Variants in DPYS observed in about 807,000 individuals in gnomAD.
DPYS encodes dihydropyrimidine amidohydrolase.
A neutral mutation model predicts 50.3 loss-of-function variants in DPYS; 39 were observed. That is an observed-to-expected ratio of 0.78 (90% CI 0.60 to 1.01). The LOEUF is 1.01. Ranked by LOEUF, DPYS falls within the 50% of genes least tolerant of loss-of-function variation. DPYS has a pLI of 0.00. For synonymous variants in DPYS, 245 were observed against 250.7 expected, an observed-to-expected ratio of 0.98 and a Z score of 0.22; for missense variants, 659 against 680.9, an observed-to-expected ratio of 0.97 and a Z score of 0.36.
intron 8 of DPYS, among the ~76,000 whole-genome samples, chr8:104,383,097 G>T (rs1811109397): frequency 6.6e-6 from 1 of 152,186 alleles, no homozygotes; most frequent in African/African-American, 2.4e-5. Flanking sequence ...AACAGGGCTT[G>T]CTCTACAGCC....
intron 1 of DPYS, among the ~76,000 whole-genome samples, chr8:104,460,828 A>G (rs1814128719): frequency 6.6e-6 from 1 of 152,226 alleles, no homozygotes; most frequent in Non-Finnish European, 1.5e-5. Context: ...CAGCCATTCA[A>G]GGAAACCACA....
In DPYS at chr8:104,466,450, G is replaced by T. The variant is rs562997435; in HGVS notation, c.264+207C>A. 2.1e-3 allele frequency among the ~76,000 whole-genome samples: 325 copies of T among 152,304 alleles called. 1 individual carries two copies. The highest frequency in any genetic ancestry group is 7.1e-3 in the African/African-American group (294 of 41,582). ...CTGGTTGAGCCAAGGCTGCTCGGCT[G>T]CCGCCGAGAAGGGGCGCCTGAAAGG... On this transcript the variant is annotated intron_variant, in intron 1 of 9. Transcript: ENST00000351513.
chr8:104,412,711 G>A (rs1218138913), intron 7 of DPYS, among the ~76,000 whole-genome samples: 1 of 152,100 alleles, frequency 6.6e-6, no homozygotes, highest in Non-Finnish European at 1.5e-5. Flanking sequence ...CTGATTGGTG[G>A]GCTTACTCTG....
intron 7 of DPYS, among the ~76,000 whole-genome samples, chr8:104,401,835 T>C (rs906440104): frequency 7.9e-5 from 12 of 152,172 alleles, no homozygotes; most frequent in African/African-American, 2.4e-4. Context: ...TTCAAGTACA[T>C]TGTCATTATT....
In DPYS at chr8:104,400,311, G is replaced by A. The variant is rs757214326; in HGVS notation, c.1236-7320C>T. On this transcript the variant is annotated intron_variant, in intron 7 of 9. Coordinates refer to ENST00000351513, the MANE Select transcript of DPYS (RefSeq NM_001385.3). ...ATGTTTCTGAGGCAGAGTTCAAAAG[G>A]CCTGAGACTCAAAAAGAACCAAGAA... Among the ~76,000 whole-genome samples the A allele has an allele frequency of 2.0e-5, 3 of 152,278 alleles. No homozygotes were observed. In the South Asian group the frequency reaches 6.2e-4, roughly 32 times the overall value.
chr8:104,432,519 T>C (rs1283855610), intron 4 of DPYS, among the ~76,000 whole-genome samples: 1 of 152,212 alleles, frequency 6.6e-6, no homozygotes, highest in Non-Finnish European at 1.5e-5. Flanking sequence ...AGGCCAAACA[T>C]ATTCATAGAA....
intron 7 of DPYS, among the ~76,000 whole-genome samples, chr8:104,412,783 G>A (rs1393333161): frequency 6.6e-6 from 1 of 152,170 alleles, no homozygotes; most frequent in African/African-American, 2.4e-5. Context: ...GGGGCAAAAA[G>A]CAAAAGCCAC....
chr8:104,467,009 A>C lies in DPYS; in HGVS notation c.-89T>G. The C allele has an allele frequency of 1.5e-6, 2 of 1,338,184 alleles. No homozygotes were observed. The highest frequency in any genetic ancestry group is 1.9e-6 in the Non-Finnish European group (2 of 1,045,076). 82.9% of individuals were successfully genotyped at this position (1,338,184 alleles called of 1,614,324 possible). On this transcript the variant is annotated 5_prime_UTR_variant, in exon 1 of 10. Coordinates refer to ENST00000351513, the MANE Select transcript of DPYS (RefSeq NM_001385.3). Reference sequence around the variant, plus strand: ...GGGCGGGCTTGGGGTGCCCTCCTGCAAGGTCCCCACCGACAGCCCCCGAGC... The same window carrying C: ...GGGCGGGCTTGGGGTGCCCTCCTGCCAGGTCCCCACCGACAGCCCCCGAGC...
intron 8 of DPYS, among the ~76,000 whole-genome samples, chr8:104,389,539 A>AT (rs201683920): frequency 0.014 from 1,632 of 116,456 alleles, 14 homozygotes; most frequent in East Asian, 0.034. Flanking sequence ...TCTTCCTTTT[A>AT]TTTTTTTTTT....
At chr8:104,446,911 A>G (rs562017571) in intron 3 of DPYS, among the ~76,000 whole-genome samples, 3 of 152,300 alleles carry the variant, frequency 2.0e-5, no homozygotes, top group African/African-American at 7.2e-5. Context: ...GCTACCTAAT[A>G]CACTGCTTAA....
chr8:104,437,529 C>A (rs1177658157), intron 4 of DPYS, among the ~76,000 whole-genome samples: 1 of 152,162 alleles, frequency 6.6e-6, no homozygotes, highest in South Asian at 2.1e-4. Flanking sequence ...GGAAATTACA[C>A]AATATGGCCT....
At chr8:104,439,509 G>T (rs2853172) in intron 4 of DPYS, among the ~76,000 whole-genome samples, 1 of 151,900 alleles carries the variant, frequency 6.6e-6, no homozygotes, top group Non-Finnish European at 1.5e-5. Flanking sequence ...CCAGCGGGTC[G>T]TGGTAGCTCG....
At chr8:104,444,224 A>G in intron 4 of DPYS, 24 bp downstream of exon 4, 1 of 1,613,786 alleles carries the variant, frequency 6.2e-7, no homozygotes, top group South Asian at 1.1e-5. Flanking sequence ...CTGAGTTCTA[A>G]GTGAGGTTAC....
intron 7 of DPYS, chr8:104,411,609 A>G (rs560270876): frequency 1.3e-5 from 2 of 152,016 alleles, no homozygotes; most frequent in African/African-American, 2.4e-5. Context: ...AATGATAGAG[A>G]AAACATAGGG....
At chr8:104,443,053 A>G (rs1813408126) in intron 4 of DPYS, among the ~76,000 whole-genome samples, 2 of 152,154 alleles carry the variant, frequency 1.3e-5, no homozygotes, top group South Asian at 2.1e-4. Flanking sequence ...GAGACCCATT[A>G]TTTTTATAAT....
intron 7 of DPYS, among the ~76,000 whole-genome samples, chr8:104,413,160 A>G (rs926168566): frequency 6.6e-6 from 1 of 152,188 alleles, no homozygotes; most frequent in African/African-American, 2.4e-5. Context: ...GCAAAAGAAT[A>G]TATCATCAAT....
intron 7 of DPYS, among the ~76,000 whole-genome samples, chr8:104,410,277 C>T (rs1313004621): frequency 2.0e-5 from 3 of 152,106 alleles, no homozygotes; most frequent in African/African-American, 7.2e-5. Flanking sequence ...ACAATAGCCT[C>T]CTGACCATTC....
chr8:104,437,732 C>T (rs1813199165), intron 4 of DPYS, among the ~76,000 whole-genome samples: 1 of 152,226 alleles, frequency 6.6e-6, no homozygotes. Context: ...GTTGCTTTCA[C>T]TGTACTTTAT....
rs115292443 is a variant in DPYS, at chr8:104,428,170, T to A, written c.951-49A>T. ...TGATGGGGTGAGTATACAGAATATGTTAGGAGGAAACTGCCATAACCTTTC... is the reference window on the plus strand; with the variant it reads ...TGATGGGGTGAGTATACAGAATATGATAGGAGGAAACTGCCATAACCTTTC... On this transcript the variant is annotated intron_variant, in intron 5 of 9. Coordinates refer to ENST00000351513, the MANE Select transcript of DPYS (RefSeq NM_001385.3). The A allele has an allele frequency of 1.3e-3, 2,034 of 1,612,006 alleles. 17 individuals carry two copies. In the African/African-American group the frequency reaches 0.018, roughly 14 times the overall value.
Sources: allele counts gnomAD v4.1 joint callset (sites outside exome capture counted in the v4.1 genomes callset), GRCh38; gene constraint gnomAD v4.1.1; transcripts MANE v1.5; gene names NCBI Gene and HGNC (gene_info 2026-07-23, HGNC 2026-07-21).